The following NUP205 variants were observed in gnomAD, a reference collection of about 807,000 sequenced individuals.
The protein encoded by NUP205 is nuclear pore complex protein Nup205.
Under a neutral mutation model 253.8 loss-of-function variants are expected in NUP205, and 76 were observed. The ratio of observed to expected loss-of-function variants is 0.30; its 90% CI spans 0.25 to 0.36. The LOEUF (loss-of-function observed/expected upper bound fraction) is 0.36, where lower values mean the gene tolerates loss of function less well. Among genes scored for constraint, NUP205 ranks in the 10% least tolerant of loss-of-function variants. NUP205 has a pLI of 1.00. For missense variants in NUP205, 2,162 were observed against 2,425.5 expected, an observed-to-expected ratio of 0.89 and a Z score of 2.28; for synonymous variants, 832 against 850.1, an observed-to-expected ratio of 0.98 and a Z score of 0.37.
At chr7:135,596,544 A>T (rs987457220) in intron 13 of NUP205, among the ~76,000 whole-genome samples, 2 of 152,210 alleles carry the variant, frequency 1.3e-5, no homozygotes, top group African/African-American at 2.4e-5. Flanking sequence ...GCAAGAAAGT[A>T]AAGTATCATG....
rs749853528 is a variant in NUP205 at position 135,591,539 on chromosome 7, C to T, written c.1563C>T (p.Ala521=). The T allele has an allele frequency of 5.6e-6, 9 of 1,613,910 alleles. No homozygotes were observed. The South Asian group carries it at 8.8e-5, about 16-fold the overall frequency. Residue 521 remains alanine, a synonymous_variant, in exon 11 of 43, where the codon GCC becomes GCT. Transcript: ENST00000285968. ...IPYLKMLQGL[A]NGPQCAHYCF... ...ATTTGAAGATGCTCCAGGGATTGGC[C>T]AATGGGCCTCAGTGTGCCCACTACT...
intron 30 of NUP205, among the ~76,000 whole-genome samples, chr7:135,622,329 A>G (rs868250028): frequency 6.6e-6 from 1 of 151,068 alleles, no homozygotes; most frequent in African/African-American, 2.4e-5. Flanking sequence ...AGGCTGAGGC[A>G]GGAGAATCGC....
intron 12 of NUP205, among the ~76,000 whole-genome samples, chr7:135,594,044 A>G (rs192264155): frequency 7.6e-4 from 115 of 152,314 alleles, no homozygotes; most frequent in Non-Finnish European, 1.1e-3. Context: ...TGATCATTAC[A>G]TATTGTATAC....
Position 135,594,594 on chromosome 7 carries a change from T to A in NUP205, c.1878T>A (p.Pro626=). The A allele has an allele frequency of 6.2e-7, 1 of 1,613,652 alleles. No homozygotes were observed. Among genetic ancestry groups the A allele is most frequent in the Non-Finnish European group, 8.5e-7 (1 of 1,179,768 alleles). Residue 626 remains proline, a synonymous_variant, in exon 13 of 43, where the codon CCT becomes CCA. Transcript: ENST00000285968. ...LALCEHPQWT[P]VVVILGLLQC... ...TCTGTGAACACCCTCAGTGGACCCCTGTTGTGGTGATTCTGGGACTCCTCC... is the reference window on the plus strand; with the variant it reads ...TCTGTGAACACCCTCAGTGGACCCCAGTTGTGGTGATTCTGGGACTCCTCC...
chr7:135,622,280 G>A (rs1031808143), intron 30 of NUP205, among the ~76,000 whole-genome samples: 3 of 151,590 alleles, frequency 2.0e-5, no homozygotes, highest in Non-Finnish European at 2.9e-5. Context: ...AAAATTAGCT[G>A]GGCATGGTGG....
intron 11 of NUP205, 62 bp from the exon 12 acceptor site, chr7:135,592,925 C>A: frequency 8.4e-7 from 1 of 1,196,004 alleles, no homozygotes; most frequent in Non-Finnish European, 1.2e-6. Flanking sequence ...AATTTTCTCT[C>A]CATTTCCCAG....
intron 22 of NUP205, among the ~76,000 whole-genome samples, chr7:135,607,888 A>G (rs941451095): frequency 9.2e-5 from 14 of 151,680 alleles, no homozygotes; most frequent in African/African-American, 1.7e-4. Context: ...TGCAGCCTCA[A>G]CCTCCCCTGG....
chr7:135,635,713 C>A, intron 36 of NUP205, 56 bp downstream of exon 36: 1 of 1,017,594 alleles, frequency 9.8e-7, no homozygotes. Context: ...CAAAATATAC[C>A]ATCCTCCCCA....
At chr7:135,597,153 C>G in intron 13 of NUP205, 1 of 458,110 alleles carries the variant, frequency 2.2e-6, no homozygotes, top group East Asian at 3.2e-5. Flanking sequence ...TTAGAAACTA[C>G]CAATTTTCAG....
intron 38 of NUP205, 25 bp from the exon 39 acceptor site, chr7:135,643,167 T>G (rs779624445): frequency 1.0e-5 from 16 of 1,595,510 alleles, no homozygotes; most frequent in Non-Finnish European, 3.4e-6. Flanking sequence ...AGTGGAACAT[T>G]GTTTTATGTC....
At position 135,638,430 on chromosome 7, in the gene NUP205, AAAG is replaced by A. The variant is rs1794858053; in HGVS notation, c.5266-124_5266-122del. On this transcript the variant is annotated intron_variant, in intron 37 of 42. Coordinates refer to ENST00000285968, the MANE Select transcript of NUP205 (RefSeq NM_015135.3). ...ACTCCATCTGAAAAAAAAAAAAAAA[AAAG>A]AATACACAGATGTGAGTCATTTTAC... 6 of 882,208 alleles carry A rather than the reference AAAG, an allele frequency of 6.8e-6. No individual in the cohort carries two copies. In the East Asian group the frequency reaches 1.4e-4, roughly 20 times the overall value. The allele number at this position is 882,208 out of a possible 1,614,324, so 54.6% of individuals were successfully genotyped here. A position where few individuals can be genotyped will look rare whatever the true frequency, so the allele number is the denominator to read the frequency against.
At position 135,631,728 on chromosome 7, in the gene NUP205, A is replaced by AT. The variant is rs35634535; in HGVS notation, c.5059+1269dup. 5.8e-3 allele frequency among the ~76,000 whole-genome samples: 842 copies of AT among 145,662 alleles called. 13 individuals carry two copies. Among genetic ancestry groups the AT allele is most frequent in the East Asian group, 0.052 (253 of 4,894 alleles). Reference sequence around the variant, plus strand: ...TCTTTCTTTTGATTTATCTCTTGGTATTTTTTTTTTTCTTTCTTTCTTTCT... The same window carrying AT: ...TCTTTCTTTTGATTTATCTCTTGGTATTTTTTTTTTTTCTTTCTTTCTTTCT... On this transcript the variant is annotated intron_variant, in intron 35 of 42. Coordinates refer to ENST00000285968, the MANE Select transcript of NUP205 (RefSeq NM_015135.3).
intron 8 of NUP205, among the ~76,000 whole-genome samples, chr7:135,586,195 T>G (rs957208139): frequency 1.3e-5 from 2 of 152,200 alleles, no homozygotes; most frequent in Non-Finnish European, 2.9e-5. Context: ...GTACCATACC[T>G]CCTGAAAAGT....
rs556017725 is a variant in NUP205 at position 135,595,265 on chromosome 7, G to T, written c.2013+536G>T. On this transcript the variant is annotated intron_variant, in intron 13 of 42. Coordinates refer to ENST00000285968, the MANE Select transcript of NUP205 (RefSeq NM_015135.3). ...GATAGGGTCTCGCTGTGTTGGCAAG[G>T]ATGGAGTGAGTACAGTTGTGTGATC... 5.3e-5 allele frequency among the ~76,000 whole-genome samples: 8 copies of T among 151,910 alleles called. 2 individuals carry two copies. In the South Asian group the frequency reaches 1.7e-3, roughly 32 times the overall value.
intron 6 of NUP205, 52 bp downstream of exon 6, chr7:135,578,076 T>TG (rs761578771): frequency 7.5e-7 from 1 of 1,335,412 alleles, no homozygotes; most frequent in Non-Finnish European, 1.1e-6. Flanking sequence ...TTTAAAATTG[T>TG]GGGGATAACA....
chr7:135,634,031 T>C (rs7806221), intron 35 of NUP205, among the ~76,000 whole-genome samples: 40,851 of 152,110 alleles, frequency 0.27, 6,110 homozygotes, highest in Non-Finnish European at 0.35. Flanking sequence ...CTACCGTGTA[T>C]GTTGTACCTC....
chr7:135,614,534 A>G (rs1176447964), intron 23 of NUP205, among the ~76,000 whole-genome samples: 1 of 152,240 alleles, frequency 6.6e-6, no homozygotes, highest in East Asian at 1.9e-4. Context: ...TGAAGGGATT[A>G]GAAAATTAAT....
At chr7:135,574,502 A>G (rs1806094855) in intron 3 of NUP205, among the ~76,000 whole-genome samples, 1 of 152,146 alleles carries the variant, frequency 6.6e-6, no homozygotes, top group Admixed American at 6.5e-5. Context: ...CCTATTGGGT[A>G]AGGCTTTTCC....
intron 22 of NUP205, among the ~76,000 whole-genome samples, chr7:135,611,770 T>C (rs74778795): frequency 0.034 from 5,191 of 151,904 alleles, 117 homozygotes; most frequent in Middle Eastern, 0.097. Context: ...ACCTGGGAGG[T>C]GGCAGTTGTA....
Sources: gnomAD v4.1 joint callset for allele counts (sites outside exome capture counted in the v4.1 genomes callset) on GRCh38, gnomAD v4.1.1 for gene constraint, MANE v1.5 for transcripts, NCBI Gene and HGNC (gene_info 2026-07-23, HGNC 2026-07-21) for gene names.